Variants in MGA observed in about 807,000 individuals in gnomAD.
The protein encoded by MGA is MAX dimerization protein MGA, also known as MAX gene-associated protein.
A neutral mutation model predicts 261.1 loss-of-function variants in MGA; 40 were observed. The observed-to-expected ratio is 0.15, with a 90% confidence interval of 0.12 to 0.20. The LOEUF (loss-of-function observed/expected upper bound fraction) is 0.20, where lower values mean the gene tolerates loss of function less well. MGA is among the 10% of genes least tolerant of loss of function. The probability of loss-of-function intolerance (pLI) is 1.00; values close to 1 mark genes in which losing one functional copy is unlikely to be tolerated. For missense variants in MGA, 3,397 were observed against 3,630.5 expected (o/e 0.94, Z 1.65); for synonymous variants, 1,302 against 1,290.6 (o/e 1.01, Z -0.19).
intron 1 of MGA, among the ~76,000 whole-genome samples, chr15:41,624,601 C>T (rs908241003): frequency 2.6e-5 from 4 of 151,696 alleles, no homozygotes; most frequent in African/African-American, 4.8e-5. Context: ...CCAAAGTGCT[C>T]GGTGGGTGGC....
intron 2 of MGA, among the ~76,000 whole-genome samples, chr15:41,690,547 A>G (rs2059222159): frequency 1.3e-5 from 2 of 152,108 alleles, no homozygotes; most frequent in Admixed American, 1.3e-4. Context: ...CTGTATATCT[A>G]GTCTTAATGT....
intron 5 of MGA, among the ~76,000 whole-genome samples, chr15:41,706,009 C>A (rs937487735): frequency 1.3e-5 from 2 of 151,960 alleles, no homozygotes; most frequent in Non-Finnish European, 2.9e-5. Context: ...GAGGCCGAGG[C>A]GGGCGGATTA....
rs2152046432 is a variant in MGA, at chr15:41,766,583, A to G, written c.8501A>G (p.Asn2834Ser). ...CTGCTCAATGAAATTGCCTTTCTTAATCAACAACTAAATGATGACTCTGTT... is the reference window on the plus strand; with the variant it reads ...CTGCTCAATGAAATTGCCTTTCTTAGTCAACAACTAAATGATGACTCTGTT... The change falls in exon 24 of 24, where the codon AAT becomes AGT. Residue 2834 changes from asparagine (N) to serine (S), a missense_variant. Coordinates refer to ENST00000219905, the MANE Select transcript of MGA (RefSeq NM_001164273.2). The G allele has an allele frequency of 3.1e-6, 5 of 1,613,972 alleles. No homozygotes were observed. Among genetic ancestry groups the G allele is most frequent in the Non-Finnish European group, 4.2e-6 (5 of 1,179,864 alleles).
intron 1 of MGA, among the ~76,000 whole-genome samples, chr15:41,653,509 T>G (rs2057108773): frequency 1.3e-5 from 2 of 151,874 alleles, no homozygotes; most frequent in East Asian, 3.9e-4. Flanking sequence ...TGAAGTAATA[T>G]TTAAAATCCA....
intron 14 of MGA, among the ~76,000 whole-genome samples, chr15:41,742,345 C>G (rs562080106): frequency 5.3e-5 from 8 of 151,764 alleles, no homozygotes; most frequent in Admixed American, 5.3e-4. Context: ...GCCGAGATCG[C>G]GCCATTGCAC....
chr15:41,698,092 G>C (rs564597494), intron 3 of MGA, among the ~76,000 whole-genome samples: 9 of 147,072 alleles, frequency 6.1e-5, no homozygotes, highest in African/African-American at 1.5e-4. Flanking sequence ...GGATGGTCTC[G>C]ATCTCCTGGC....
chr15:41,749,627 T>A lies in MGA; in HGVS notation c.6020T>A (p.Val2007Glu). The change falls in exon 17 of 24, where the codon GTA becomes GAA. Residue 2007 changes from valine to glutamate, a missense_variant. Physicochemically the swap from Val to Glu is moderately radical, Grantham distance 121. Coordinates refer to ENST00000219905, the MANE Select transcript of MGA (RefSeq NM_001164273.2). ...GAGGCTGTAGACCCTGAGGCTAATG[T>A]AATAAAACAAAACTCAGGAGCTGCT... 21 of 1,613,908 alleles carry A rather than the reference T, an allele frequency of 1.3e-5. No individual in the cohort carries two copies. The highest frequency in any genetic ancestry group is 1.8e-5 in the Non-Finnish European group (21 of 1,179,876).
Position 41,669,643 on chromosome 15 carries a change from A to G in MGA, c.749A>G (p.Asp250Gly). 1 of 1,613,902 alleles carries G rather than the reference A, an allele frequency of 6.2e-7. No homozygotes were observed. ...ATTCAGATTACTCAGCTGAAAATAG[A>G]TTACAATCCATTTGCCAAAGGCTTT... Residue 250 changes from aspartate to glycine, a missense_variant, in exon 2 of 24, where the codon GAT (aspartate) becomes GGT (glycine). Transcript: ENST00000219905.
intron 1 of MGA, among the ~76,000 whole-genome samples, chr15:41,650,594 T>C (rs896733544): frequency 6.6e-6 from 1 of 152,086 alleles, no homozygotes; most frequent in Non-Finnish European, 1.5e-5. Flanking sequence ...TGCACCACCA[T>C]GCCTGGCCAA....
chr15:41,708,069 A>G, intron 6 of MGA, 35 bp from the exon 7 acceptor site: 1 of 1,514,772 alleles, frequency 6.6e-7, no homozygotes, highest in South Asian at 1.2e-5. Flanking sequence ...GGCCTGCTAG[A>G]ATTTTGGTCA....
chr15:41,667,391 G>A (rs189600245), intron 1 of MGA, among the ~76,000 whole-genome samples: 72 of 152,014 alleles, frequency 4.7e-4, no homozygotes, highest in Middle Eastern at 3.4e-3. Context: ...GATTATGGGC[G>A]CACACCACCA....
chr15:41,698,294 G>A (rs955630594), intron 3 of MGA, among the ~76,000 whole-genome samples: 5 of 149,128 alleles, frequency 3.4e-5, no homozygotes, highest in African/African-American at 9.9e-5. Context: ...TCAGCCTCCC[G>A]AGTAGCTGGG....
At chr15:41,695,812 A>G (rs973511706) in intron 2 of MGA, among the ~76,000 whole-genome samples, 2 of 152,200 alleles carry the variant, frequency 1.3e-5, no homozygotes, top group South Asian at 2.1e-4. Context: ...TTTAATCTCA[A>G]AACATACAGG....
At position 41,684,997 on chromosome 15, in the gene MGA, A is replaced by G. The variant is rs185638035; in HGVS notation, c.1065-11078A>G. On this transcript the variant is annotated intron_variant, in intron 2 of 23. Coordinates refer to ENST00000219905, the MANE Select transcript of MGA (RefSeq NM_001164273.2). ...CACTTAAAATGTGGGTGGCTTTTAT[A>G]TTATGTAACTTATACAGTAAAGTTT... is the stretch of plus-strand genomic sequence containing the variant. Among the ~76,000 whole-genome samples the G allele has an allele frequency of 4.6e-5, 7 of 152,346 alleles. No homozygotes were observed. The East Asian group carries it at 1.3e-3, about 29-fold the overall frequency.
At chr15:41,730,744 GCTTTGCATAATCTT>G in intron 11 of MGA, among the ~76,000 whole-genome samples, 1 of 152,282 alleles carries the variant, frequency 6.6e-6, no homozygotes, top group East Asian at 1.9e-4. Context: ...TCCGTTATAT[GCTTTGCATAATCTT>G]GTGTGGTAAG....
chr15:41,754,655 C>G, intron 18 of MGA, 88 bp downstream of exon 18: 1 of 1,367,586 alleles, frequency 7.3e-7, no homozygotes, highest in Non-Finnish European at 9.6e-7. Context: ...CTCTGGGTAA[C>G]TCATCTGGTT....
intron 17 of MGA, chr15:41,750,923 C>T: frequency 4.8e-6 from 1 of 210,482 alleles, no homozygotes; most frequent in Non-Finnish European, 9.6e-6. Context: ...CATTTGACCT[C>T]AGTCAATTTC....
intron 1 of MGA, among the ~76,000 whole-genome samples, chr15:41,634,862 T>C (rs1368336439): frequency 1.3e-5 from 2 of 152,212 alleles, no homozygotes; most frequent in African/African-American, 4.8e-5. Flanking sequence ...AAGGAGCAGG[T>C]ATTTTTATCT....
At chr15:41,754,664 T>G (rs971489476) in intron 18 of MGA, 97 bp downstream of exon 18, 1 of 1,314,668 alleles carries the variant, frequency 7.6e-7, no homozygotes, top group Non-Finnish European at 1.0e-6. Context: ...ACTCATCTGG[T>G]TCCTTCTTCC....
Sources: gnomAD v4.1 joint callset for allele counts (sites outside exome capture counted in the v4.1 genomes callset) on GRCh38, gnomAD v4.1.1 for gene constraint, MANE v1.5 for transcripts, NCBI Gene and HGNC (gene_info 2026-07-23, HGNC 2026-07-21) for gene names.